HRH1: variants seen among roughly 807,000 people sequenced by gnomAD.
HRH1 encodes histamine receptor H1, also known as histamine H1 receptor.
A neutral mutation model predicts 10.3 loss-of-function variants in HRH1; 6 were observed. The ratio of observed to expected loss-of-function variants is 0.58; its 90% confidence interval spans 0.32 to 1.15. HRH1 has a LOEUF of 1.15. Ranked by LOEUF, HRH1 falls within the 50% of genes most tolerant of loss-of-function variation. The probability of loss-of-function intolerance (pLI) is 0.05; values close to 1 mark genes in which losing one functional copy is unlikely to be tolerated. For synonymous variants in HRH1, 242 were observed against 236.7 expected (o/e 1.02, Z -0.21); for missense variants, 514 against 615.3 (o/e 0.84, Z 1.74).
intron 1 of HRH1, among the ~76,000 whole-genome samples, chr3:11,179,403 G>A (rs1362960324): frequency 6.6e-6 from 1 of 151,790 alleles, no homozygotes; most frequent in Non-Finnish European, 1.5e-5. Flanking sequence ...GGTGGATCAC[G>A]AGGTCAGGAG....
chr3:11,195,080 C>CA (rs1346667695), intron 1 of HRH1, among the ~76,000 whole-genome samples: 1 of 152,164 alleles, frequency 6.6e-6, no homozygotes, highest in East Asian at 1.9e-4. Flanking sequence ...TTCTTAGAGA[C>CA]ACTGAAATGG....
intron 1 of HRH1, among the ~76,000 whole-genome samples, chr3:11,187,440 A>G (rs544377560): frequency 6.6e-6 from 1 of 152,042 alleles, no homozygotes; most frequent in South Asian, 2.1e-4. Flanking sequence ...ATAATAATAT[A>G]TAAAAATAAT....
At chr3:11,186,688 G>A (rs1271309025) in intron 1 of HRH1, among the ~76,000 whole-genome samples, 1 of 152,174 alleles carries the variant, frequency 6.6e-6, no homozygotes, top group African/African-American at 2.4e-5. Flanking sequence ...GGGTGTTCAT[G>A]TAGCACAGGC....
At chr3:11,163,148 G>A (rs1236538648) in intron 1 of HRH1, among the ~76,000 whole-genome samples, 2 of 152,052 alleles carry the variant, frequency 1.3e-5, no homozygotes, top group Admixed American at 6.6e-5. Flanking sequence ...GCTGCACCGC[G>A]TGTTTCCCGA....
At chr3:11,207,227 T>C (rs1938163808) in intron 1 of HRH1, among the ~76,000 whole-genome samples, 1 of 151,958 alleles carries the variant, frequency 6.6e-6, no homozygotes, top group Non-Finnish European at 1.5e-5. Flanking sequence ...AAGGCCAGGC[T>C]CAGGCAGAAC....
rs537141475 is a variant in HRH1, at chr3:11,261,827, A to T, written c.*1326A>T. The T allele has an allele frequency of 6.2e-6, 1 of 161,486 alleles. No individual in the cohort carries two copies. Among genetic ancestry groups the T allele is most frequent in the Non-Finnish European group, 1.5e-5 (1 of 67,932 alleles). 10.0% of individuals were successfully genotyped at this position (161,486 alleles called of 1,614,324 possible). A position where few individuals can be genotyped will look rare whatever the true frequency, so the allele number is the denominator to read the frequency against. On this transcript the variant is annotated 3_prime_UTR_variant, in exon 2 of 2. Coordinates refer to ENST00000431010, the MANE Select transcript of HRH1 (RefSeq NM_001098212.2). ...ACTCCAGCCTGGGCAACAGAGCAAG[A>T]CTCTGTCTCAAAAAAAAAAATACAA...
chr3:11,200,601 G>A (rs1487492436), intron 1 of HRH1, among the ~76,000 whole-genome samples: 1 of 152,174 alleles, frequency 6.6e-6, no homozygotes, highest in Non-Finnish European at 1.5e-5. Context: ...AGCTCTCCAA[G>A]AGCAGGAACT....
At chr3:11,191,324 G>A (rs953650036) in intron 1 of HRH1, among the ~76,000 whole-genome samples, 3 of 152,182 alleles carry the variant, frequency 2.0e-5, no homozygotes, top group Non-Finnish European at 1.5e-5. Flanking sequence ...GATTGTCCAT[G>A]TCAAGCATGT....
rs201903123 is a variant in HRH1 at position 11,260,221 on chromosome 3, G to A, written c.1184G>A (p.Arg395His). ...DYIKFTWKRL[R>H]SHSRQYVSGL... ...ATCAAGTTTACTTGGAAGAGGCTCC[G>A]CTCGCATTCAAGACAGTATGTATCT... is the stretch of plus-strand genomic sequence containing the variant. Residue 395 changes from arginine (R) to histidine (H), a missense_variant, in exon 2 of 2, where the codon CGC becomes CAC. Transcript: ENST00000431010. The A allele has an allele frequency of 9.3e-6, 15 of 1,614,100 alleles. No individual in the cohort carries two copies. The highest frequency in any genetic ancestry group is 3.3e-5 in the Admixed American group (2 of 60,016).
chr3:11,250,208 ATTT>A (rs71055857), intron 1 of HRH1, among the ~76,000 whole-genome samples: 4 of 106,890 alleles, frequency 3.7e-5, no homozygotes, highest in East Asian at 2.7e-4. Flanking sequence ...CACCCGGCTA[ATTT>A]TTTTTTTTTT....
chr3:11,159,796 A>C (rs1022927749), intron 1 of HRH1, among the ~76,000 whole-genome samples: 1 of 152,296 alleles, frequency 6.6e-6, no homozygotes, highest in South Asian at 2.1e-4. Flanking sequence ...GTTCAATGCA[A>C]CTCACCAGTG....
At chr3:11,223,973 C>CT (rs1293971046) in intron 1 of HRH1, among the ~76,000 whole-genome samples, 1 of 152,160 alleles carries the variant, frequency 6.6e-6, no homozygotes, top group Admixed American at 6.5e-5. Context: ...ACAGAGGGCA[C>CT]TGTCAGCAAG....
intron 1 of HRH1, among the ~76,000 whole-genome samples, chr3:11,182,811 G>T (rs6442236): frequency 0.051 from 7,726 of 152,194 alleles, 493 homozygotes; most frequent in East Asian, 0.18. Flanking sequence ...TCAGAGAGGT[G>T]AAGTTTCTTA....
intron 1 of HRH1, among the ~76,000 whole-genome samples, chr3:11,204,154 G>T (rs554783035): frequency 5.3e-5 from 8 of 152,186 alleles, no homozygotes; most frequent in Non-Finnish European, 8.8e-5. Context: ...AGGCTCAGTG[G>T]GATGTTCATA....
At chr3:11,137,531 T>G (rs1936204898) in intron 1 of HRH1, 1 of 153,142 alleles carries the variant, frequency 6.5e-6, no homozygotes, top group Admixed American at 6.6e-5. Context: ...GCTGATTGGA[T>G]GCTGGAGTGA....
At position 11,242,480 on chromosome 3, in the gene HRH1, C is replaced by CAAAAAAAA. The variant is rs35809891; in HGVS notation, c.-35-16501_-35-16494dup. On this transcript the variant is annotated intron_variant, in intron 1 of 1. Coordinates refer to ENST00000431010, the MANE Select transcript of HRH1 (RefSeq NM_001098212.2). ...TGGGCAACAGAGCCAGACTCCGTCT[C>CAAAAAAAA]AAAAAAAAAAAAAAAAAAAAAAAAA... Among the ~76,000 whole-genome samples, 43 of 50,378 alleles carry CAAAAAAAA rather than the reference C, an allele frequency of 8.5e-4. 1 individual carries two copies. Among genetic ancestry groups the CAAAAAAAA allele is most frequent in the South Asian group, 1.6e-3 (1 of 636 alleles). The allele number at this position is 50,378 out of a possible 152,430, so 33.0% of individuals were successfully genotyped here. A position where few individuals can be genotyped will look rare whatever the true frequency, so the allele number is the denominator to read the frequency against.
intron 1 of HRH1, among the ~76,000 whole-genome samples, chr3:11,157,366 G>A (rs1049595141): frequency 1.3e-5 from 2 of 152,146 alleles, no homozygotes; most frequent in Non-Finnish European, 2.9e-5. Context: ...CATTCAGGCC[G>A]GGAATTAGCT....
Position 11,140,134 on chromosome 3 carries a change from C to T in HRH1, c.-36+2735C>T, listed in dbSNP as rs528277918. ...TGGCCTAGTGCCCATGTACAGTGAA[C>T]GACCCGCGCAGCTGTTCTTAGCTGC... On this transcript the variant is annotated intron_variant, in intron 1 of 1. Transcript: ENST00000438284. Among the ~76,000 whole-genome samples the T allele has an allele frequency of 3.3e-5, 5 of 152,274 alleles. No homozygotes were observed. The East Asian group carries it at 7.7e-4, about 24-fold the overall frequency.
chr3:11,247,253 CAG>C (rs1485189457), intron 1 of HRH1, among the ~76,000 whole-genome samples: 4 of 152,162 alleles, frequency 2.6e-5, no homozygotes, highest in Non-Finnish European at 4.4e-5. Flanking sequence ...ACCCAGGAGA[CAG>C]AGTGTTAGAA....
Sources: allele counts gnomAD v4.1 joint callset (sites outside exome capture counted in the v4.1 genomes callset), GRCh38; gene constraint gnomAD v4.1.1; transcripts MANE v1.5; gene names NCBI Gene and HGNC (gene_info 2026-07-23, HGNC 2026-07-21).